The following SMURF1 variants were observed in gnomAD, a reference collection of about 807,000 sequenced individuals.
SMURF1 encodes the protein E3 ubiquitin-protein ligase SMURF1.
In SMURF1, 44 loss-of-function variants were observed where a neutral mutation model predicts 98.0. The observed-to-expected ratio is 0.45, with a 90% CI of 0.35 to 0.58. SMURF1 has a LOEUF of 0.58. Ranked by LOEUF, SMURF1 falls within the 20% of genes least tolerant of loss-of-function variation. The pLI, the probability that SMURF1 is intolerant of heterozygous loss-of-function variation, is 0.00. For synonymous variants in SMURF1, 396 were observed against 374.9 expected, an observed-to-expected ratio of 1.06 and a Z score of -0.65; for missense variants, 687 against 938.4, an observed-to-expected ratio of 0.73 and a Z score of 3.50.
chr7:99,063,210 G>A, intron 1 of SMURF1, among the ~76,000 whole-genome samples: 1 of 108,838 alleles, frequency 9.2e-6, no homozygotes, highest in African/African-American at 4.0e-5. Flanking sequence ...TATTTATATA[G>A]TCAAGATATA....
Position 99,057,642 on chromosome 7 carries a change from G to GC in SMURF1, c.204-92dup, listed in dbSNP as rs35875928. ...TTTTGAGATAGAATCCTGCTCTGTT[G>GC]CCCCCAGGCTGGAGTGCAGTTGTGT... is the stretch of plus-strand genomic sequence containing the variant. On this transcript the variant is annotated intron_variant, in intron 3 of 17. Transcript: ENST00000361368. The GC allele has an allele frequency of 1.1e-3, 1,576 of 1,372,776 alleles. 7 individuals carry two copies. In the Middle Eastern group the frequency reaches 0.027, roughly 23 times the overall value. The allele number at this position is 1,372,776 out of a possible 1,614,324, so 85.0% of individuals were successfully genotyped here. A position where few individuals can be genotyped will look rare whatever the true frequency, so the allele number is the denominator to read the frequency against.
intron 1 of SMURF1, among the ~76,000 whole-genome samples, chr7:99,130,627 A>G (rs941027819): frequency 2.6e-5 from 4 of 152,218 alleles, no homozygotes; most frequent in Admixed American, 1.3e-4. Context: ...ATACTACCAC[A>G]AAGAAGGTAT....
At chr7:99,105,369 C>T (rs1165854069) in intron 1 of SMURF1, among the ~76,000 whole-genome samples, 4 of 151,980 alleles carry the variant, frequency 2.6e-5, no homozygotes, top group Non-Finnish European at 5.9e-5. Context: ...TAATCTTTCT[C>T]GAAGGAAAAA....
intron 11 of SMURF1, among the ~76,000 whole-genome samples, chr7:99,042,811 C>A (rs1374337701): frequency 6.6e-6 from 1 of 152,188 alleles, no homozygotes; most frequent in Non-Finnish European, 1.5e-5. Flanking sequence ...ATTAAGATAG[C>A]AGCTCCAAAT....
At chr7:99,034,033 G>C (rs562652082) in intron 16 of SMURF1, among the ~76,000 whole-genome samples, 6 of 152,242 alleles carry the variant, frequency 3.9e-5, no homozygotes, top group Admixed American at 6.5e-5. Flanking sequence ...GACCAGCAGA[G>C]ACACCATCTT....
intron 1 of SMURF1, among the ~76,000 whole-genome samples, chr7:99,064,793 C>T (rs1044209146): frequency 2.0e-5 from 3 of 152,112 alleles, no homozygotes; most frequent in African/African-American, 7.2e-5. Flanking sequence ...CTATTAATTA[C>T]ACCTCCTGCT....
At chr7:99,041,289 C>A (rs1262758768) in intron 12 of SMURF1, among the ~76,000 whole-genome samples, 1 of 152,080 alleles carries the variant, frequency 6.6e-6, no homozygotes, top group Non-Finnish European at 1.5e-5. Flanking sequence ...GTGATCCCAG[C>A]TACTCGGGAG....
At chr7:99,124,039 G>A (rs1317668515) in intron 1 of SMURF1, among the ~76,000 whole-genome samples, 1 of 152,150 alleles carries the variant, frequency 6.6e-6, no homozygotes, top group Non-Finnish European at 1.5e-5. Context: ...GGTGGAACTG[G>A]GTTGGCTGAC....
chr7:99,094,220 G>A (rs182363594), intron 1 of SMURF1, among the ~76,000 whole-genome samples: 30 of 152,164 alleles, frequency 2.0e-4, no homozygotes, highest in African/African-American at 7.0e-4. Flanking sequence ...CAAGAACAAC[G>A]AATAGCTTTC....
rs187663210 is a variant in SMURF1 at position 99,128,129 on chromosome 7, T to G, written c.55+15597A>C. Among the ~76,000 whole-genome samples the G allele has an allele frequency of 1.8e-3, 279 of 152,326 alleles. 3 individuals carry two copies. The highest frequency in any genetic ancestry group is 5.9e-3 in the Admixed American group (90 of 15,302). ...TTTCAGAATGCATTAAGATATGGAA[T>G]GTACCAGGGTACAGTCTTTTACAAA... is the stretch of plus-strand genomic sequence containing the variant. On this transcript the variant is annotated intron_variant, in intron 1 of 17. Coordinates refer to ENST00000361368, the MANE Select transcript of SMURF1 (RefSeq NM_181349.3).
rs1439462160 is a variant in SMURF1, at chr7:99,061,854, A to G, written c.56-17T>C. ...CACATAACACTAAAAACAAAGAAAA[A>G]TTACTCAGGTTAGCATTAAAGACGA... On this transcript the variant is annotated splice_polypyrimidine_tract_variant and intron_variant, in intron 1 of 17. Transcript: ENST00000361368. The G allele has an allele frequency of 1.3e-6, 2 of 1,593,318 alleles. No homozygotes were observed. Among genetic ancestry groups the G allele is most frequent in the East Asian group, 4.5e-5 (2 of 44,492 alleles).
chr7:99,044,167 C>A (rs1051423411), intron 11 of SMURF1, among the ~76,000 whole-genome samples: 1 of 152,068 alleles, frequency 6.6e-6, no homozygotes, highest in African/African-American at 2.4e-5. Context: ...TAAAAATTAG[C>A]TGGACATGGT....
intron 12 of SMURF1, among the ~76,000 whole-genome samples, chr7:99,041,405 AAAAAG>A (rs1441002543): frequency 2.0e-5 from 3 of 152,126 alleles, no homozygotes; most frequent in African/African-American, 2.4e-5. Context: ...CTCTCTCAAA[AAAAAG>A]AAAAGAACCA....
chr7:99,056,436 A>G (rs904155641), intron 5 of SMURF1, among the ~76,000 whole-genome samples: 5 of 152,186 alleles, frequency 3.3e-5, no homozygotes, highest in African/African-American at 1.2e-4. Flanking sequence ...ACATTAGCAC[A>G]CTTTAATTTT....
intron 1 of SMURF1, among the ~76,000 whole-genome samples, chr7:99,089,681 G>A (rs980232549): frequency 8.6e-5 from 13 of 151,698 alleles, no homozygotes; most frequent in East Asian, 1.9e-4. Flanking sequence ...ACAATACAAC[G>A]GGTTAGTGGT....
chr7:99,035,292 G>A, intron 16 of SMURF1: 2 of 588,690 alleles, frequency 3.4e-6, no homozygotes, highest in Admixed American at 3.0e-5. Flanking sequence ...CAGGTGCCCT[G>A]GAGTGGCTCC....
At chr7:99,102,286 G>C (rs1249985021) in intron 1 of SMURF1, among the ~76,000 whole-genome samples, 2 of 152,140 alleles carry the variant, frequency 1.3e-5, no homozygotes. Flanking sequence ...CTACGCATCT[G>C]TCTCTAAAGA....
At chr7:99,062,200 C>T (rs1796049621) in intron 1 of SMURF1, among the ~76,000 whole-genome samples, 1 of 150,658 alleles carries the variant, frequency 6.6e-6, no homozygotes, top group African/African-American at 2.4e-5. Flanking sequence ...GTGATTCAAG[C>T]AATCCTCTTG....
chr7:99,102,867 C>A (rs1444475119), intron 1 of SMURF1, among the ~76,000 whole-genome samples: 4 of 152,074 alleles, frequency 2.6e-5, no homozygotes, highest in African/African-American at 9.7e-5. Context: ...CACTCCGTCA[C>A]CCAGGCTGGA....
Sources: gnomAD v4.1 joint callset for allele counts (sites outside exome capture counted in the v4.1 genomes callset) on GRCh38, gnomAD v4.1.1 for gene constraint, MANE v1.5 for transcripts, NCBI Gene and HGNC (gene_info 2026-07-23, HGNC 2026-07-21) for gene names.